EFL1: variants seen among roughly 807,000 people sequenced by gnomAD.
The protein encoded by EFL1 is elongation factor like GTPase 1, also known as elongation factor-like GTPase 1.
EFL1 carries 76 observed loss-of-function variants against 126.7 expected under a neutral mutation model. That is an observed-to-expected ratio of 0.60 (90% CI 0.50 to 0.73). The LOEUF (loss-of-function observed/expected upper bound fraction) is 0.73. EFL1 is among the 30% of genes least tolerant of loss of function. The pLI is 0.00. For missense variants in EFL1, 1,128 were observed against 1,343.2 expected (o/e 0.84, Z 2.50); for synonymous variants, 410 against 448.4 (o/e 0.91, Z 1.08).
intron 19 of EFL1, among the ~76,000 whole-genome samples, chr15:82,138,299 C>T (rs921675996): frequency 2.6e-5 from 4 of 151,896 alleles, no homozygotes; most frequent in African/African-American, 9.7e-5. Context: ...TAAAATTTCA[C>T]ATTCAAAAGG....
intron 4 of EFL1, among the ~76,000 whole-genome samples, chr15:82,245,058 A>C (rs1438177085): frequency 6.6e-6 from 1 of 152,170 alleles, no homozygotes; most frequent in African/African-American, 2.4e-5. Flanking sequence ...TACATTCCTT[A>C]TGTATGAACT....
At chr15:82,155,012 A>T (rs1365265517) in intron 17 of EFL1, among the ~76,000 whole-genome samples, 1 of 152,202 alleles carries the variant, frequency 6.6e-6, no homozygotes, top group African/African-American at 2.4e-5. Context: ...AAATACAAAC[A>T]AACACTTTTT....
At chr15:82,159,162 T>TG (rs138640406) in intron 16 of EFL1, among the ~76,000 whole-genome samples, 31,157 of 151,994 alleles carry the variant, frequency 0.2, 3,407 homozygotes, top group Non-Finnish European at 0.26. Flanking sequence ...ATTTTTTTTT[T>TG]GTCTAATTAA....
intron 4 of EFL1, among the ~76,000 whole-genome samples, chr15:82,244,159 T>A (rs2074950149): frequency 6.6e-6 from 1 of 152,104 alleles, no homozygotes; most frequent in African/African-American, 2.4e-5. Context: ...CCAAACAACG[T>A]TAACCTAAAT....
At chr15:82,225,308 TAA>T (rs371280599) in intron 11 of EFL1, 44 bp from the exon 12 acceptor site, 175 of 1,120,848 alleles carry the variant, frequency 1.6e-4, no homozygotes, top group South Asian at 2.3e-4. Context: ...TTCCCATTAT[TAA>T]AAAAAAAAAA....
intron 15 of EFL1, among the ~76,000 whole-genome samples, chr15:82,186,511 C>A (rs997744596): frequency 1.3e-5 from 2 of 152,214 alleles, no homozygotes; most frequent in African/African-American, 2.4e-5. Context: ...GTTCCAGTTT[C>A]ACTGTGTTTT....
At position 82,244,706 on chromosome 15, in the gene EFL1, T is replaced by C. The variant is rs149356038; in HGVS notation, c.245-3303A>G. ...CTAATAGGGAGTTATGGGAAAAGAA[T>C]TCCTCCCTTGCCCATGGTTTTAAAG... On this transcript the variant is annotated intron_variant, in intron 4 of 19. Transcript: ENST00000268206. 6.6e-3 allele frequency among the ~76,000 whole-genome samples: 1,008 copies of C among 152,230 alleles called. 15 individuals carry two copies. The highest frequency in any genetic ancestry group is 0.023 in the African/African-American group (944 of 41,484).
At chr15:82,214,346 C>T (rs2074621118) in intron 15 of EFL1, among the ~76,000 whole-genome samples, 1 of 152,136 alleles carries the variant, frequency 6.6e-6, no homozygotes, top group Non-Finnish European at 1.5e-5. Flanking sequence ...TTAAATAGAC[C>T]TTTACATCAG....
At chr15:82,177,705 C>T (rs2074209358) in intron 15 of EFL1, among the ~76,000 whole-genome samples, 2 of 152,308 alleles carry the variant, frequency 1.3e-5, no homozygotes, top group African/African-American at 2.4e-5. Context: ...TTCTCTACTG[C>T]TGCCTTTATT....
At chr15:82,218,209 T>C (rs1276259709) in intron 14 of EFL1, among the ~76,000 whole-genome samples, 1 of 152,216 alleles carries the variant, frequency 6.6e-6, no homozygotes, top group Non-Finnish European at 1.5e-5. Flanking sequence ...GCTGCTACAT[T>C]TGTTGTAATC....
intron 16 of EFL1, among the ~76,000 whole-genome samples, chr15:82,163,016 A>G (rs2074039364): frequency 2.0e-5 from 3 of 152,238 alleles, no homozygotes; most frequent in Admixed American, 2.0e-4. Flanking sequence ...ACAAAAGTAA[A>G]AAAGGATTGA....
chr15:82,252,414 C>T (rs2075030699), intron 4 of EFL1, among the ~76,000 whole-genome samples: 3 of 152,160 alleles, frequency 2.0e-5, no homozygotes. Flanking sequence ...CAGCTAAAGT[C>T]CTAGGGCTCC....
At chr15:82,232,827 A>T (rs996764524) in intron 7 of EFL1, among the ~76,000 whole-genome samples, 2 of 152,094 alleles carry the variant, frequency 1.3e-5, no homozygotes, top group Non-Finnish European at 2.9e-5. Context: ...GGGATTTCAT[A>T]CATTTATTGG....
intron 2 of EFL1, among the ~76,000 whole-genome samples, chr15:82,259,531 ATC>A (rs748900167): frequency 5.3e-5 from 8 of 152,216 alleles, no homozygotes; most frequent in Non-Finnish European, 1.2e-4. Flanking sequence ...CATTATCCAT[ATC>A]TCTTACTGTT....
chr15:82,199,153 A>C (rs1025636762), intron 15 of EFL1, among the ~76,000 whole-genome samples: 9 of 152,152 alleles, frequency 5.9e-5, no homozygotes, highest in African/African-American at 2.2e-4. Flanking sequence ...CCAAATCCCA[A>C]GTCCAAAAAC....
chr15:82,196,086 G>C (rs896023203), intron 15 of EFL1, among the ~76,000 whole-genome samples: 1 of 152,118 alleles, frequency 6.6e-6, no homozygotes, highest in African/African-American at 2.4e-5. Context: ...CATGAAAATC[G>C]TGGTATATTC....
intron 15 of EFL1, among the ~76,000 whole-genome samples, chr15:82,169,309 G>C (rs1377940765): frequency 3.3e-5 from 5 of 152,116 alleles, no homozygotes; most frequent in Non-Finnish European, 7.3e-5. Flanking sequence ...CATTTTCCTG[G>C]TGAGAATGAA....
At chr15:82,261,578 T>C in intron 2 of EFL1, 110 bp downstream of exon 2, 1 of 1,059,290 alleles carries the variant, frequency 9.4e-7, no homozygotes. Context: ...AAAGAAGACT[T>C]GCTTCTTAGC....
At chr15:82,189,580 A>G (rs2074337215) in intron 15 of EFL1, among the ~76,000 whole-genome samples, 1 of 152,072 alleles carries the variant, frequency 6.6e-6, no homozygotes, top group Admixed American at 6.6e-5. Context: ...CTTCAAATTC[A>G]TATTTTTCTC....
Sources: allele counts gnomAD v4.1 joint callset (sites outside exome capture counted in the v4.1 genomes callset), GRCh38; gene constraint gnomAD v4.1.1; transcripts MANE v1.5; gene names NCBI Gene and HGNC (gene_info 2026-07-23, HGNC 2026-07-21).